The following PIEZO1 variants were observed in gnomAD, a reference collection of about 807,000 sequenced individuals.
PIEZO1 encodes the protein piezo-type mechanosensitive ion channel component 1.
Under a neutral mutation model 297.2 loss-of-function variants are expected in PIEZO1, and 296 were observed. The observed-to-expected ratio is 1.00, with a 90% CI of 0.91 to 1.10. The LOEUF (loss-of-function observed/expected upper bound fraction) is 1.10, where lower values mean the gene tolerates loss of function less well. Among genes scored for constraint, PIEZO1 ranks in the 50% least tolerant of loss-of-function variants. The pLI, the probability that PIEZO1 is intolerant of heterozygous loss-of-function variation, is 0.00. For missense variants in PIEZO1, 5,018 were observed against 3,455.5 expected (o/e 1.45, Z -11.34); for synonymous variants, 2,427 against 1,507.5 (o/e 1.61, Z -14.13).
intron 1 of PIEZO1, among the ~76,000 whole-genome samples, chr16:88,756,856 CAGA>C (rs1489645492): frequency 6.6e-6 from 1 of 152,068 alleles, no homozygotes; most frequent in Non-Finnish European, 1.5e-5. Context: ...GCGGGCAGAT[CAGA>C]AGGTCAGGAG....
Position 88,727,130 on chromosome 16 carries a change from C to T in PIEZO1, c.3364G>A (p.Glu1122Lys), listed in dbSNP as rs888532398. ...ACGCCAGCCATGCGCTGCCACTCCTCTGTGCGCTCAGCTGAGAACACCTGC... is the reference window on the plus strand; with the variant it reads ...ACGCCAGCCATGCGCTGCCACTCCTTTGTGCGCTCAGCTGAGAACACCTGC... ...QWQVFSAERT[E>K]EWQRMAGVNT... The change falls in exon 24 of 51, where the codon GAG (glutamate) becomes AAG (lysine). Residue 1122 changes from glutamate to lysine, a missense_variant. Transcript: ENST00000301015. The T allele has an allele frequency of 4.2e-5, 65 of 1,549,858 alleles. No homozygotes were observed. Among genetic ancestry groups the T allele is most frequent in the Middle Eastern group, 1.7e-4 (1 of 5,986 alleles).
chr16:88,738,541 G>C, intron 6 of PIEZO1, 27 bp downstream of exon 6: 2 of 1,531,016 alleles, frequency 1.3e-6, no homozygotes, highest in Non-Finnish European at 1.7e-6. Context: ...CAGTGTGACT[G>C]CCAGTGCCCC....
chr16:88,738,508 C>T, intron 6 of PIEZO1, 60 bp downstream of exon 6: 2 of 1,445,726 alleles, frequency 1.4e-6, no homozygotes, highest in Non-Finnish European at 1.8e-6. Context: ...CCACAGTCAT[C>T]AGGGAACTCC....
In PIEZO1 at chr16:88,733,997, CTG is replaced by C; in HGVS notation, c.2236_2237del (p.Gln746AlafsTer30). Reference sequence around the variant, plus strand: ...CCTCCTCCTCCTCCTCCTGCTGCTGCTGCTGATGCTCCTGCTGCTCCTCCCGC... The same window carrying C: ...CCTCCTCCTCCTCCTCCTGCTGCTGCCTGATGCTCCTGCTGCTCCTCCCGC... ...LLREEQQEHQ[Q>X]QQQEEEEEEE... On this transcript the variant is annotated frameshift_variant, in exon 17 of 51. Coordinates refer to ENST00000301015, the MANE Select transcript of PIEZO1 (RefSeq NM_001142864.4). LOFTEE classifies it high-confidence loss of function. The C allele has an allele frequency of 1.4e-5, 21 of 1,548,132 alleles. No individual in the cohort carries two copies. Among genetic ancestry groups the C allele is most frequent in the Non-Finnish European group, 1.8e-5 (21 of 1,145,090 alleles).
In PIEZO1 at chr16:88,731,819, C is replaced by T. The variant is rs750862705; in HGVS notation, c.3083G>A (p.Arg1028His). 46 of 1,249,464 alleles carry T rather than the reference C, an allele frequency of 3.7e-5. No homozygotes were observed. The highest frequency in any genetic ancestry group is 2.2e-4 in the East Asian group (4 of 18,516). 77.4% of individuals were successfully genotyped at this position (1,249,464 alleles called of 1,614,324 possible). ...HGCWLVAILT[R>H]RHRQAIARLW... ...GCGGGCAATGGCCTGGCGGTGCCTG[C>T]GGGTGAGGATGGCCACCAGCCAGCA... The change falls in exon 22 of 51, where the codon CGC (arginine) becomes CAC (histidine). Residue 1028 changes from arginine (R) to histidine (H), a missense_variant. Physicochemically the swap from Arg to His is conservative, Grantham distance 29. Transcript: ENST00000301015.
At chr16:88,772,897 G>T (rs1812466814) in intron 1 of PIEZO1, among the ~76,000 whole-genome samples, 1 of 152,200 alleles carries the variant, frequency 6.6e-6, no homozygotes, top group African/African-American at 2.4e-5. Context: ...TGAGGCCGCA[G>T]GCTGGGGTGG....
chr16:88,726,423 G>A lies in PIEZO1; in HGVS notation c.3829C>T (p.Leu1277=), dbSNP rs1597449870. 3 of 1,550,416 alleles carry A rather than the reference G, an allele frequency of 1.9e-6. No individual in the cohort carries two copies. Among genetic ancestry groups the A allele is most frequent in the Non-Finnish European group, 1.7e-6 (2 of 1,146,948 alleles). ...KEMMDRDQDC[L]LPVEEAGIIW... is the part of the protein sequence containing the mutation. Reference sequence around the variant, plus strand: ...ATGCCAGCCTCCTCCACAGGCAGCAGGCAGTCCTGGTCTCTGTCCATCATC... The same window carrying A: ...ATGCCAGCCTCCTCCACAGGCAGCAAGCAGTCCTGGTCTCTGTCCATCATC... Residue 1277 remains leucine (L), a synonymous_variant, in exon 27 of 51, where the codon CTG becomes TTG. Coordinates refer to ENST00000301015, the MANE Select transcript of PIEZO1 (RefSeq NM_001142864.4).
Position 88,715,376 on chromosome 16 carries a change from TAA to T in PIEZO1, c.*227_*228del. 9.2e-7 allele frequency: 1 copy of T among 1,087,734 alleles called. No homozygotes were observed. The highest frequency in any genetic ancestry group is 1.3e-6 in the Non-Finnish European group (1 of 789,718). 67.4% of individuals were successfully genotyped at this position (1,087,734 alleles called of 1,614,324 possible). On this transcript the variant is annotated 3_prime_UTR_variant, in exon 51 of 51. Transcript: ENST00000301015. The stretch of plus-strand genomic sequence containing the variant: ...TTGTATAAATAAAACATTTTTTAAT[TAA>T]AAAAAAAACTCTACAGTACACGTGG...
At chr16:88,723,177 C>A in intron 32 of PIEZO1, 26 bp from the exon 33 acceptor site, 1 of 1,549,440 alleles carries the variant, frequency 6.5e-7, no homozygotes, top group Non-Finnish European at 8.7e-7. Context: ...TGGTGAGTGA[C>A]TGGCAGTCCC....
chr16:88,721,025 G>A (rs1912398784), intron 39 of PIEZO1, 141 bp downstream of exon 39: 3 of 909,632 alleles, frequency 3.3e-6, no homozygotes, highest in Admixed American at 3.0e-5. Context: ...GCCGGGAGCT[G>A]TGGCTCAGAA....
intron 23 of PIEZO1, 98 bp from the exon 24 acceptor site, chr16:88,727,290 C>T: frequency 2.2e-6 from 3 of 1,342,952 alleles, no homozygotes; most frequent in Non-Finnish European, 3.0e-6. Flanking sequence ...TGTCGGCGTG[C>T]AGCCGCTGGG....
rs918235769 is a variant in PIEZO1, at chr16:88,773,615, G to A, written c.64+11286C>T. 6.6e-5 allele frequency among the ~76,000 whole-genome samples: 10 copies of A among 152,322 alleles called. No homozygotes were observed. In the East Asian group the frequency reaches 9.7e-4, roughly 15 times the overall value. ...CAGGGAAAAGGCTGACAGGCAGGTC[G>A]GGGGACTGGACAGCAGCTGCCTATT... On this transcript the variant is annotated intron_variant, in intron 1 of 50. Coordinates refer to ENST00000301015, the MANE Select transcript of PIEZO1 (RefSeq NM_001142864.4).
chr16:88,769,801 C>T (rs1486160883), intron 1 of PIEZO1, among the ~76,000 whole-genome samples: 2 of 115,844 alleles, frequency 1.7e-5, no homozygotes, highest in African/African-American at 6.6e-5. Context: ...CCAGGGTGGG[C>T]GGGGCCAGGA....
chr16:88,722,492 G>A, intron 35 of PIEZO1, 91 bp downstream of exon 35: 3 of 1,432,718 alleles, frequency 2.1e-6, no homozygotes, highest in Non-Finnish European at 2.8e-6. Flanking sequence ...CGGTCCTTTG[G>A]GGTACAAGGG....
intron 30 of PIEZO1, 118 bp from the exon 31 acceptor site, chr16:88,724,089 G>T (rs1904307075): frequency 4.6e-6 from 3 of 659,336 alleles, no homozygotes; most frequent in African/African-American, 3.6e-5. Flanking sequence ...GTAGCCGGGA[G>T]CAGTGCAGGC....
chr16:88,734,249 G>A (rs1005752674), intron 16 of PIEZO1, 107 bp downstream of exon 16: 4 of 1,234,532 alleles, frequency 3.2e-6, no homozygotes, highest in South Asian at 1.6e-5. Flanking sequence ...ATGCCCCTTG[G>A]GATCTGAAGG....
chr16:88,719,388 C>G (rs1472429344), intron 44 of PIEZO1, 186 bp downstream of exon 44: 8 of 607,336 alleles, frequency 1.3e-5, no homozygotes, highest in African/African-American at 3.7e-5. Flanking sequence ...GCCCAGCACT[C>G]ACTCGCAGCT....
chr16:88,721,583 G>C lies in PIEZO1; in HGVS notation c.5358C>G (p.Asp1786Glu), dbSNP rs1335426566. 1.3e-6 allele frequency: 2 copies of C among 1,550,158 alleles called. No homozygotes were observed. The highest frequency in any genetic ancestry group is 1.7e-6 in the Non-Finnish European group (2 of 1,146,930). Residue 1786 changes from aspartate (D) to glutamate (E), a missense_variant, in exon 38 of 51, where the codon GAC becomes GAG. Transcript: ENST00000301015. Reference sequence around the variant, plus strand: ...AGAAAAGGGCCATGAGCTGCACCAGGTCGTACTTGATGTAGCCGTCAGTCT... The same window carrying C: ...AGAAAAGGGCCATGAGCTGCACCAGCTCGTACTTGATGTAGCCGTCAGTCT... ...LEKTDGYIKY[D>E]LVQLMALFFH...
At chr16:88,725,934 G>A (rs1216956212) in intron 27 of PIEZO1, 4 of 570,334 alleles carry the variant, frequency 7.0e-6, no homozygotes, top group Non-Finnish European at 1.2e-5. Context: ...CAGGGAAGAA[G>A]GCAAAGCTGG....
Sources: gnomAD v4.1 joint callset for allele counts (sites outside exome capture counted in the v4.1 genomes callset) on GRCh38, gnomAD v4.1.1 for gene constraint, MANE v1.5 for transcripts, NCBI Gene and HGNC (gene_info 2026-07-23, HGNC 2026-07-21) for gene names.